Variants in CDC16 observed in about 807,000 individuals in gnomAD.
CDC16 encodes cell division cycle protein 16 homolog.
CDC16 carries 34 observed loss-of-function variants against 87.0 expected under a neutral mutation model. That is an observed-to-expected ratio of 0.39 (90% CI 0.30 to 0.52). CDC16 has a LOEUF of 0.52. Ranked by LOEUF, CDC16 falls within the 20% of genes least tolerant of loss-of-function variation. The probability of loss-of-function intolerance (pLI) is 0.74; values close to 1 mark genes in which losing one functional copy is unlikely to be tolerated. For missense variants in CDC16, 653 were observed against 751.9 expected (o/e 0.87, Z 1.54); for synonymous variants, 263 against 260.6 (o/e 1.01, Z -0.09).
intron 1 of CDC16, among the ~76,000 whole-genome samples, chr13:114,235,595 C>G (rs1015365065): frequency 6.6e-6 from 1 of 152,210 alleles, no homozygotes; most frequent in Admixed American, 6.5e-5. Context: ...TTAACTATGT[C>G]TGTGTTCTCT....
In CDC16 at chr13:114,239,534, TG is replaced by T. The variant is rs745350438; in HGVS notation, c.381+45del. 12 of 1,471,520 alleles carry T rather than the reference TG, an allele frequency of 8.2e-6. No homozygotes were observed. The Admixed American group carries it at 2.4e-4, about 30-fold the overall frequency. The allele number at this position is 1,471,520 out of a possible 1,614,324, so 91.2% of individuals were successfully genotyped here. ...ACAGCTCAGTAACGGCGGCGAGAAT[TG>T]CCCTCATTACGTGGCAGAAACACAT... On this transcript the variant is annotated intron_variant, in intron 5 of 17. Transcript: ENST00000356221.
intron 12 of CDC16, among the ~76,000 whole-genome samples, chr13:114,252,240 C>A (rs552000547): frequency 6.6e-6 from 1 of 152,094 alleles, no homozygotes; most frequent in Admixed American, 6.5e-5. Context: ...AAGAGCCTTA[C>A]ACTAGCCCTG....
At chr13:114,240,870 C>T (rs1031875280) in intron 5 of CDC16, among the ~76,000 whole-genome samples, 1 of 151,974 alleles carries the variant, frequency 6.6e-6, no homozygotes, top group Non-Finnish European at 1.5e-5. Context: ...ACCTCTTATC[C>T]ATTAACTTAT....
intron 9 of CDC16, 109 bp downstream of exon 9, chr13:114,245,078 C>T (rs1207095351): frequency 1.7e-6 from 1 of 591,656 alleles, no homozygotes; most frequent in Non-Finnish European, 2.9e-6. Context: ...CAGGTAACAA[C>T]ATAATGGAAC....
chr13:114,243,764 T>C, intron 7 of CDC16, 92 bp from the exon 8 acceptor site: 2 of 1,018,258 alleles, frequency 2.0e-6, no homozygotes, highest in Non-Finnish European at 2.9e-6. Context: ...TTCTTGTAAA[T>C]GTTTTAACCA....
At chr13:114,251,227 A>G (rs2082156438) in intron 12 of CDC16, among the ~76,000 whole-genome samples, 1 of 152,026 alleles carries the variant, frequency 6.6e-6, no homozygotes, top group Admixed American at 6.5e-5. Context: ...CTGCCTGGAG[A>G]GGTAGTGGGA....
intron 17 of CDC16, among the ~76,000 whole-genome samples, chr13:114,265,969 C>T (rs1184100290): frequency 6.6e-6 from 1 of 152,174 alleles, no homozygotes; most frequent in African/African-American, 2.4e-5. Context: ...GCATGTGCTA[C>T]CACGCCTAGC....
Position 114,242,200 on chromosome 13 carries a change from A to G in CDC16, c.461A>G (p.Lys154Arg). 6.2e-7 allele frequency: 1 copy of G among 1,614,226 alleles called. No homozygotes were observed. Among genetic ancestry groups the G allele is most frequent in the Non-Finnish European group, 8.5e-7 (1 of 1,180,036 alleles). ...DNRTLATYSY[K>R]EALKLDVYCF... ...CGAACCCTGGCTACCTACAGCTACA[A>G]AGAAGCTTTGAAGCTTGATGTCTAC... is the stretch of plus-strand genomic sequence containing the variant. The change falls in exon 6 of 18, where the codon AAA becomes AGA. Residue 154 changes from lysine to arginine, a missense_variant. Lys to Arg is a conservative substitution (Grantham distance 26). Coordinates refer to ENST00000356221, the MANE Select transcript of CDC16 (RefSeq NM_001078645.3).
intron 17 of CDC16, 109 bp from the exon 18 acceptor site, chr13:114,272,075 T>C (rs2083718948): frequency 3.2e-6 from 2 of 622,388 alleles, no homozygotes; most frequent in South Asian, 5.3e-5. Flanking sequence ...TGTATTTTAT[T>C]CTAAATAGTA....
intron 3 of CDC16, among the ~76,000 whole-genome samples, chr13:114,237,235 A>T (rs1481281971): frequency 6.6e-6 from 1 of 151,860 alleles, no homozygotes; most frequent in Non-Finnish European, 1.5e-5. Flanking sequence ...AAAAAAAAAA[A>T]GTCATTAGGG....
chr13:114,236,691 T>A lies in CDC16; in HGVS notation c.95T>A (p.Leu32His). Residue 32 changes from leucine (L) to histidine (H), a missense_variant, in exon 2 of 18, where the codon CTC (leucine) becomes CAC (histidine). Coordinates refer to ENST00000356221, the MANE Select transcript of CDC16 (RefSeq NM_001078645.3). ...ALFWADKVASLSREEPQDIYW... is the reference protein window; with the variant it reads ...ALFWADKVASHSREEPQDIYW... The stretch of plus-strand genomic sequence containing the variant: ...TTTTGGGCAGATAAAGTAGCTTCAC[T>A]CTCTCGTGGTAAGTGACAAAATGCT... 1 of 1,613,606 alleles carries A rather than the reference T, an allele frequency of 6.2e-7. No individual in the cohort carries two copies. The highest frequency in any genetic ancestry group is 8.5e-7 in the Non-Finnish European group (1 of 1,179,952).
chr13:114,237,978 CT>C (rs979606319), intron 3 of CDC16, among the ~76,000 whole-genome samples: 1 of 152,218 alleles, frequency 6.6e-6, no homozygotes, highest in Admixed American at 6.5e-5. Flanking sequence ...TGAGGCCCTC[CT>C]TGTTTTCTCT....
At chr13:114,239,195 C>T (rs1231172436) in intron 4 of CDC16, 155 bp from the exon 5 acceptor site, 16 of 1,395,662 alleles carry the variant, frequency 1.1e-5, no homozygotes, top group East Asian at 9.4e-5. Flanking sequence ...ACTGATTCTT[C>T]GTTTACCACA....
At chr13:114,245,772 G>A (rs144473656) in intron 9 of CDC16, 513 of 464,442 alleles carry the variant, frequency 1.1e-3, no homozygotes, top group African/African-American at 9.3e-3. Flanking sequence ...ATCCTCTGCA[G>A]TATTCGGGAA....
At chr13:114,244,586 G>C (rs1426391346) in intron 8 of CDC16, 1 of 221,030 alleles carries the variant, frequency 4.5e-6, no homozygotes, top group Non-Finnish European at 8.8e-6. Context: ...ATTTCCTGTT[G>C]GTTTTGATTC....
intron 17 of CDC16, among the ~76,000 whole-genome samples, chr13:114,269,190 C>T (rs1158297046): frequency 6.6e-6 from 1 of 152,148 alleles, no homozygotes; most frequent in Non-Finnish European, 1.5e-5. Context: ...GTAGGGAGCT[C>T]AGCTTGGGTG....
At position 114,235,038 on chromosome 13, in the gene CDC16, C is replaced by T. The variant is rs1177978472; in HGVS notation, c.-47C>T. 5.6e-6 allele frequency: 7 copies of T among 1,243,178 alleles called. No homozygotes were observed. In the Admixed American group the frequency reaches 2.9e-4, roughly 52 times the overall value. The allele number at this position is 1,243,178 out of a possible 1,614,324, so 77.0% of individuals were successfully genotyped here. Reference sequence around the variant, plus strand: ...GGCGGGGTGCTTAGGGTGCAGGAGGCGCGCGCCTAGCGGCGGAGTGTGGCG... The same window carrying T: ...GGCGGGGTGCTTAGGGTGCAGGAGGTGCGCGCCTAGCGGCGGAGTGTGGCG... On this transcript the variant is annotated 5_prime_UTR_variant, in exon 1 of 18. Coordinates refer to ENST00000356221, the MANE Select transcript of CDC16 (RefSeq NM_001078645.3).
chr13:114,246,754 G>A (rs987179512), intron 10 of CDC16, among the ~76,000 whole-genome samples, 177 bp from the exon 11 acceptor site: 1 of 152,140 alleles, frequency 6.6e-6, no homozygotes, highest in African/African-American at 2.4e-5. Context: ...AAAGAGCCAT[G>A]GAGTGTCTGC....
At chr13:114,262,823 T>G in intron 15 of CDC16, 56 bp from the exon 16 acceptor site, 1 of 1,593,616 alleles carries the variant, frequency 6.3e-7, no homozygotes, top group South Asian at 1.1e-5. Context: ...TTGCTCATCT[T>G]AGACTTAGGA....
Sources: allele counts gnomAD v4.1 joint callset (sites outside exome capture counted in the v4.1 genomes callset), GRCh38; gene constraint gnomAD v4.1.1; transcripts MANE v1.5; gene names NCBI Gene and HGNC (gene_info 2026-07-23, HGNC 2026-07-21).